Variants in CNTNAP2 observed in about 807,000 individuals in gnomAD.
The protein encoded by CNTNAP2 is contactin associated protein 2, also known as contactin-associated protein-like 2.
A neutral mutation model predicts 155.2 loss-of-function variants in CNTNAP2; 98 were observed. The observed-to-expected ratio is 0.63, with a 90% CI of 0.54 to 0.75. The LOEUF is 0.75. Among genes scored for constraint, CNTNAP2 ranks in the 30% least tolerant of loss-of-function variants. The pLI is 0.00. For synonymous variants in CNTNAP2, 651 were observed against 631.2 expected, an observed-to-expected ratio of 1.03 and a Z score of -0.47; for missense variants, 1,727 against 1,688.1, an observed-to-expected ratio of 1.02 and a Z score of -0.40.
At chr7:146,245,220 C>G (rs1479193267) in intron 1 of CNTNAP2, among the ~76,000 whole-genome samples, 3 of 151,960 alleles carry the variant, frequency 2.0e-5, no homozygotes, top group Non-Finnish European at 4.4e-5. Context: ...CAGAGAGATA[C>G]AGTCATGGGG....
At chr7:147,752,325 A>G in intron 13 of CNTNAP2, among the ~76,000 whole-genome samples, 1 of 3,032 alleles carries the variant, frequency 3.3e-4, no homozygotes, top group African/African-American at 5.4e-4. Flanking sequence ...TTTTCCCTGA[A>G]CCATTTTTTT....
chr7:146,584,096 TA>T (rs1277964738), intron 1 of CNTNAP2, among the ~76,000 whole-genome samples: 1 of 152,178 alleles, frequency 6.6e-6, no homozygotes, highest in Non-Finnish European at 1.5e-5. Context: ...ACATTACTAA[TA>T]AATCATGAAA....
chr7:146,631,354 A>T lies in CNTNAP2; in HGVS notation c.98-142917A>T, dbSNP rs886275330. ...GAGGGTGAAATTAATATATTCAAAA[A>T]TAAATTCTGCCAGAATCATAGATGT... is the stretch of plus-strand genomic sequence containing the variant. On this transcript the variant is annotated intron_variant, in intron 1 of 23. Transcript: ENST00000361727. Among the ~76,000 whole-genome samples, 4 of 152,192 alleles carry T rather than the reference A, an allele frequency of 2.6e-5. No individual in the cohort carries two copies. The South Asian group carries it at 8.3e-4, about 32-fold the overall frequency.
chr7:147,438,093 T>A (rs532046197), intron 10 of CNTNAP2, among the ~76,000 whole-genome samples: 46 of 152,258 alleles, frequency 3.0e-4, no homozygotes, highest in Non-Finnish European at 6.2e-4. Flanking sequence ...CCAATTTGAA[T>A]GCCGTTTATC....
chr7:148,278,051 T>G (rs1473791583), intron 21 of CNTNAP2, among the ~76,000 whole-genome samples: 2 of 152,200 alleles, frequency 1.3e-5, no homozygotes, highest in African/African-American at 4.8e-5. Context: ...GCCTTTGGTC[T>G]TGTCACATCC....
intron 8 of CNTNAP2, among the ~76,000 whole-genome samples, chr7:147,179,495 C>T (rs1166200903): frequency 6.6e-6 from 1 of 152,126 alleles, no homozygotes; most frequent in Non-Finnish European, 1.5e-5. Context: ...ATTCTAGGAA[C>T]AAATGGTTGA....
Position 147,958,770 on chromosome 7 carries a change from C to T in CNTNAP2, c.2256-19092C>T, listed in dbSNP as rs139311123. ...GAGTCAGACGTATATTCTAATAAGA[C>T]AGACACTGAAATTGCTATTTTTGTC... On this transcript the variant is annotated intron_variant, in intron 14 of 23. Transcript: ENST00000361727. Among the ~76,000 whole-genome samples, 79 of 152,286 alleles carry T rather than the reference C, an allele frequency of 5.2e-4. 1 individual carries two copies. Among genetic ancestry groups the T allele is most frequent in the African/African-American group, 1.8e-3 (74 of 41,574 alleles).
At chr7:147,679,824 A>T (rs1208594793) in intron 13 of CNTNAP2, among the ~76,000 whole-genome samples, 1 of 151,980 alleles carries the variant, frequency 6.6e-6, no homozygotes, top group Non-Finnish European at 1.5e-5. Context: ...ATCATAATAT[A>T]TAGATACAGA....
chr7:148,228,823 G>C (rs1231512102), intron 19 of CNTNAP2, among the ~76,000 whole-genome samples: 1 of 28,798 alleles, frequency 3.5e-5, no homozygotes, highest in Admixed American at 3.1e-4. Flanking sequence ...GCGAGACTCT[G>C]TTTCAAAAAA....
chr7:148,258,542 G>T (rs1308224662), intron 20 of CNTNAP2, among the ~76,000 whole-genome samples: 1 of 152,122 alleles, frequency 6.6e-6, no homozygotes, highest in African/African-American at 2.4e-5. Flanking sequence ...TTCCGATGGG[G>T]AGAAAGAGAT....
intron 13 of CNTNAP2, among the ~76,000 whole-genome samples, chr7:147,680,844 A>C (rs1795937726): frequency 6.6e-6 from 1 of 151,066 alleles, no homozygotes; most frequent in Admixed American, 6.9e-5. Flanking sequence ...TAATACCTAC[A>C]AAATATATAA....
intron 10 of CNTNAP2, among the ~76,000 whole-genome samples, chr7:147,427,689 A>C (rs532898298): frequency 2.0e-4 from 31 of 152,304 alleles, no homozygotes; most frequent in African/African-American, 7.2e-4. Flanking sequence ...CATGAAGAGA[A>C]GTACTAACTA....
chr7:148,226,151 A>G (rs1266762702), intron 19 of CNTNAP2, among the ~76,000 whole-genome samples: 3 of 152,148 alleles, frequency 2.0e-5, no homozygotes, highest in Admixed American at 1.3e-4. Context: ...CTGGAATATC[A>G]TTTTGAAGAT....
At chr7:147,249,099 T>G (rs1804129398) in intron 8 of CNTNAP2, among the ~76,000 whole-genome samples, 1 of 152,190 alleles carries the variant, frequency 6.6e-6, no homozygotes. Context: ...CAAAGCAAGT[T>G]TCATCAATAT....
intron 8 of CNTNAP2, among the ~76,000 whole-genome samples, chr7:147,203,828 A>G (rs1201206791): frequency 2.0e-5 from 3 of 152,158 alleles, no homozygotes; most frequent in African/African-American, 7.2e-5. Context: ...AGTTTCCCTG[A>G]TAAGCTCTAC....
intron 21 of CNTNAP2, among the ~76,000 whole-genome samples, chr7:148,284,747 G>A (rs565328748): frequency 6.2e-4 from 95 of 152,246 alleles, no homozygotes; most frequent in Non-Finnish European, 1.1e-3. Context: ...GACCCTTTAT[G>A]TAATCTTGCT....
chr7:147,509,717 G>C (rs182373301), intron 11 of CNTNAP2, among the ~76,000 whole-genome samples: 52 of 151,978 alleles, frequency 3.4e-4, no homozygotes, highest in Admixed American at 2.2e-3. Context: ...GGACAGAAAA[G>C]CTCTCTTCTG....
chr7:147,239,427 T>C (rs1803890147), intron 8 of CNTNAP2, among the ~76,000 whole-genome samples: 1 of 151,470 alleles, frequency 6.6e-6, no homozygotes, highest in Non-Finnish European at 1.5e-5. Flanking sequence ...GGAGAATCAC[T>C]TGAACCCAGG....
chr7:146,139,194 A>G (rs1490245948), intron 1 of CNTNAP2, among the ~76,000 whole-genome samples: 2 of 152,174 alleles, frequency 1.3e-5, no homozygotes, highest in Non-Finnish European at 2.9e-5. Flanking sequence ...GATAACACAG[A>G]CTGCAAGCAC....
Sources: allele counts gnomAD v4.1 joint callset (sites outside exome capture counted in the v4.1 genomes callset), GRCh38; gene constraint gnomAD v4.1.1; transcripts MANE v1.5; gene names NCBI Gene and HGNC (gene_info 2026-07-23, HGNC 2026-07-21).